The following TPPP2 variants were observed in gnomAD, a reference collection of about 807,000 sequenced individuals.
TPPP2 encodes the protein tubulin polymerization-promoting protein family member 2.
TPPP2 carries 8 observed loss-of-function variants against 13.0 expected under a neutral mutation model. The ratio of observed to expected loss-of-function variants is 0.62; its 90% CI spans 0.36 to 1.11. The LOEUF (loss-of-function observed/expected upper bound fraction) is 1.11. Ranked by LOEUF, TPPP2 falls within the 50% of genes most tolerant of loss-of-function variation. The probability of loss-of-function intolerance (pLI) is 0.02; values close to 1 mark genes in which losing one functional copy is unlikely to be tolerated. For synonymous variants in TPPP2, 81 were observed against 81.8 expected, an observed-to-expected ratio of 0.99 and a Z score of 0.05; for missense variants, 213 against 216.9, an observed-to-expected ratio of 0.98 and a Z score of 0.11.
At position 21,031,006 on chromosome 14, in the gene TPPP2, G is replaced by T. The variant is rs1476842298; in HGVS notation, c.174-6G>T. ...AAAGTTTCTGGATTTCTGTCTAACTGACCAGGGCCAAGAACGCCCGAACCA... is the reference window on the plus strand; with the variant it reads ...AAAGTTTCTGGATTTCTGTCTAACTTACCAGGGCCAAGAACGCCCGAACCA... On this transcript the variant is annotated splice_region_variant and splice_polypyrimidine_tract_variant and intron_variant, in intron 2 of 3. Transcript: ENST00000321760. 6.2e-7 allele frequency: 1 copy of T among 1,601,182 alleles called. No homozygotes were observed. Among genetic ancestry groups the T allele is most frequent in the Non-Finnish European group, 8.5e-7 (1 of 1,174,408 alleles).
chr14:21,033,555 G>A (rs1487632756), downstream of TPPP2: 1 of 517,178 alleles, frequency 1.9e-6, no homozygotes, highest in Non-Finnish European at 3.5e-6. Flanking sequence ...TCAACTTCTT[G>A]GGTGGGTTTT....
chr14:21,024,838 C>T (rs1882951351), intron 1 of TPPP2: 1 of 985,702 alleles, frequency 1.0e-6, no homozygotes. Flanking sequence ...TGCACACAAC[C>T]TCGCGCGCAC....
intron 3 of TPPP2, 179 bp downstream of exon 3, chr14:21,031,344 C>A: frequency 1.4e-6 from 1 of 728,350 alleles, no homozygotes. Flanking sequence ...GTGACTTGCC[C>A]AAGGTCCATG....
rs191733878 is a variant in TPPP2 at position 21,032,788 on chromosome 14, A to T, written c.*711A>T. 540 of 372,802 alleles carry T rather than the reference A, an allele frequency of 1.4e-3. 3 individuals are homozygous for T. Among genetic ancestry groups the T allele is most frequent in the African/African-American group, 0.011 (513 of 47,046 alleles). 23.1% of individuals were successfully genotyped at this position (372,802 alleles called of 1,614,324 possible). ...GAGCAGGAGTTCTGGTGCACTGAAGAAAAAGCAATTAAATCACAACAGAGT... is the reference window on the plus strand; with the variant it reads ...GAGCAGGAGTTCTGGTGCACTGAAGTAAAAGCAATTAAATCACAACAGAGT... On this transcript the variant is annotated 3_prime_UTR_variant, in exon 4 of 4. Transcript: ENST00000321760.
upstream of TPPP2, among the ~76,000 whole-genome samples, chr14:21,027,947 T>C (rs935757621): frequency 2.6e-5 from 4 of 152,174 alleles, no homozygotes; most frequent in Admixed American, 2.0e-4. Flanking sequence ...TCAGGTTACT[T>C]TGGAGAACTG....
upstream of TPPP2, among the ~76,000 whole-genome samples, chr14:21,026,401 A>G (rs943852103): frequency 3.4e-5 from 5 of 147,218 alleles, no homozygotes; most frequent in Non-Finnish European, 5.9e-5. Context: ...CAGGCCAGTC[A>G]GGAACAATGG....
Position 21,032,288 on chromosome 14 carries a change from ACCAG to A in TPPP2, c.*215_*218del, listed in dbSNP as rs773409838. The A allele has an allele frequency of 3.0e-6, 2 of 662,174 alleles. No individual in the cohort carries two copies. The highest frequency in any genetic ancestry group is 3.0e-5 in the South Asian group (2 of 66,416). 41.0% of individuals were successfully genotyped at this position (662,174 alleles called of 1,614,324 possible). ...CTTCGCTCTGCTTAGCCTTATGCCT[ACCAG>A]CCATCAGTTAGCATTCCTCCTCAAC... On this transcript the variant is annotated 3_prime_UTR_variant, in exon 4 of 4. Coordinates refer to ENST00000321760, the MANE Select transcript of TPPP2 (RefSeq NM_173846.5).
rs143975728 is a variant in TPPP2, at chr14:21,031,022, G to A, written c.184G>A (p.Ala62Thr). ...TGTCTAACTGACCAGGGCCAAGAAC[G>A]CCCGAACCATCACGTTTCAACAGTT... Reference protein sequence around the residue: ...IVFSKVKAKNARTITFQQFKE... With the variant: ...IVFSKVKAKNTRTITFQQFKE... Residue 62 changes from alanine (A) to threonine (T), a missense_variant, in exon 3 of 4, where the codon GCC becomes ACC. Coordinates refer to ENST00000321760, the MANE Select transcript of TPPP2 (RefSeq NM_173846.5). 58 of 1,609,076 alleles carry A rather than the reference G, an allele frequency of 3.6e-5. No homozygotes were observed. Among genetic ancestry groups the A allele is most frequent in the African/African-American group, 2.1e-4 (16 of 74,816 alleles).
downstream of TPPP2, chr14:21,034,059 G>C: frequency 6.2e-7 from 1 of 1,614,100 alleles, no homozygotes; most frequent in Non-Finnish European, 8.5e-7. Context: ...CTTCCAAGGG[G>C]CATGTATCAC....
upstream of TPPP2, among the ~76,000 whole-genome samples, chr14:21,027,959 A>G (rs547544386): frequency 1.1e-4 from 17 of 152,336 alleles, no homozygotes; most frequent in South Asian, 3.5e-3. Context: ...GGAGAACTGA[A>G]TAGTAGCTTC....
At chr14:21,035,415 T>C (rs534350907), downstream of TPPP2, among the ~76,000 whole-genome samples, 1 of 152,194 alleles carries the variant, frequency 6.6e-6, no homozygotes, top group Non-Finnish European at 1.5e-5. Context: ...AGGGCCACGC[T>C]CCTATCTTTT....
chr14:21,035,829 A>T (rs1034657311), downstream of TPPP2: 1 of 456,096 alleles, frequency 2.2e-6, no homozygotes, highest in Non-Finnish European at 4.4e-6. Flanking sequence ...CCTGAAAGTG[A>T]TCCTAGACCC....
upstream of TPPP2, chr14:21,029,241 A>G (rs1883898759): frequency 1.3e-5 from 2 of 152,242 alleles, no homozygotes; most frequent in South Asian, 4.1e-4. Context: ...GCCTGTTTTC[A>G]TTAATCCGTT....
Position 21,024,889 on chromosome 14 carries a change from G to C in TPPP2, n.236+545G>C, listed in dbSNP as rs1008653486. On this transcript the variant is annotated intron_variant and non_coding_transcript_variant, in intron 1 of 1. Coordinates refer to the TPPP2 transcript ENST00000533755. ...CAGCTCTTGGAGCCTCAGCCTTTGT[G>C]CGCAGCAACCGAGCGCCCGCTCCGT... is the stretch of plus-strand genomic sequence containing the variant. The C allele has an allele frequency of 2.3e-5, 23 of 985,576 alleles. No homozygotes were observed. In the African/African-American group the frequency reaches 3.8e-4, roughly 16 times the overall value. The allele number at this position is 985,576 out of a possible 1,614,324, so 61.1% of individuals were successfully genotyped here.
chr14:21,029,060 C>G (rs149522628), upstream of TPPP2: 1 of 152,262 alleles, frequency 6.6e-6, no homozygotes, highest in South Asian at 2.1e-4. Context: ...AGAATCTGAG[C>G]CTCACCCTCA....
At position 21,031,922 on chromosome 14, in the gene TPPP2, T is replaced by C. The variant is rs1884212391; in HGVS notation, c.358T>C (p.Leu120=). The change falls in exon 4 of 4, where the codon TTG becomes CTG. Residue 120 remains leucine (L), a synonymous_variant. Coordinates refer to ENST00000321760, the MANE Select transcript of TPPP2 (RefSeq NM_173846.5). ...KATTVGAVDR[L]TDTSKYTGTH... ...AACAACAGTGGGTGCAGTGGACCGT[T>C]TGACAGACACCAGCAAGTACACCGG... is the stretch of plus-strand genomic sequence containing the variant. The C allele has an allele frequency of 1.9e-6, 3 of 1,614,050 alleles. No individual in the cohort carries two copies. The highest frequency in any genetic ancestry group is 2.5e-6 in the Non-Finnish European group (3 of 1,179,990).
chr14:21,034,220 G>T (rs1354221019), downstream of TPPP2: 1 of 1,614,126 alleles, frequency 6.2e-7, no homozygotes, highest in Admixed American at 1.7e-5. Flanking sequence ...TCTGCATCTT[G>T]ATGTCCATGA....
chr14:21,032,622 A>C lies in TPPP2; in HGVS notation c.*545A>C. On this transcript the variant is annotated 3_prime_UTR_variant, in exon 4 of 4. Coordinates refer to ENST00000321760, the MANE Select transcript of TPPP2 (RefSeq NM_173846.5). ...TGTTCCAGAGCTGGGGTAAGGGGAG[A>C]GTCTATTTTCAACACCCAGCCCAGA... The C allele has an allele frequency of 2.9e-6, 1 of 342,670 alleles. No individual in the cohort carries two copies. The highest frequency in any genetic ancestry group is 5.7e-6 in the Non-Finnish European group (1 of 176,736). 21.2% of individuals were successfully genotyped at this position (342,670 alleles called of 1,614,324 possible). A position where few individuals can be genotyped will look rare whatever the true frequency, so the allele number is the denominator to read the frequency against.
downstream of TPPP2, chr14:21,034,289 T>G: frequency 6.2e-7 from 1 of 1,605,788 alleles, no homozygotes; most frequent in Admixed American, 1.7e-5. Flanking sequence ...CTGGTGCCAT[T>G]CCTCCTGCTG....
Sources: allele counts gnomAD v4.1 joint callset (sites outside exome capture counted in the v4.1 genomes callset), GRCh38; gene constraint gnomAD v4.1.1; transcripts MANE v1.5; gene names NCBI Gene and HGNC (gene_info 2026-07-23, HGNC 2026-07-21).